Variants in SI observed in about 807,000 individuals in gnomAD.
SI encodes sucrase-isomaltase, also known as sucrase-isomaltase, intestinal.
SI carries 235 observed loss-of-function variants against 253.3 expected under a neutral mutation model. That is an observed-to-expected ratio of 0.93 (90% CI 0.83 to 1.03). The LOEUF is 1.03. SI is among the 50% of genes least tolerant of loss of function. SI has a pLI of 0.00. For missense variants in SI, 2,442 were observed against 2,211.1 expected, an observed-to-expected ratio of 1.10 and a Z score of -2.09; for synonymous variants, 819 against 712.0, an observed-to-expected ratio of 1.15 and a Z score of -2.39.
At position 165,039,881 on chromosome 3, in the gene SI, G is replaced by T. The variant is rs1712726485; in HGVS notation, c.2244+6C>A. On this transcript the variant is annotated splice_donor_region_variant and intron_variant, in intron 19 of 47. Coordinates refer to ENST00000264382, the MANE Select transcript of SI (RefSeq NM_001041.4). ...ACAATAAGGTTATTAAACCTGTAGA[G>T]CCTACCTGTTTTAGAACAGGAGTAA... The T allele has an allele frequency of 6.3e-7, 1 of 1,595,270 alleles. No individual in the cohort carries two copies. The highest frequency in any genetic ancestry group is 8.6e-7 in the Non-Finnish European group (1 of 1,163,166).
At chr3:165,003,339 T>C in intron 37 of SI, among the ~76,000 whole-genome samples, 1 of 152,020 alleles carries the variant, frequency 6.6e-6, no homozygotes, top group East Asian at 1.9e-4. Context: ...TTCTTTTTAA[T>C]GTCTACAGTT....
chr3:165,002,153 G>T (rs1718283754), intron 37 of SI, among the ~76,000 whole-genome samples: 1 of 151,582 alleles, frequency 6.6e-6, no homozygotes, highest in East Asian at 1.9e-4. Context: ...AATAATATAT[G>T]TGTAGTTACA....
At chr3:165,061,702 C>G (rs1713992932) in intron 9 of SI, among the ~76,000 whole-genome samples, 2 of 151,868 alleles carry the variant, frequency 1.3e-5, no homozygotes, top group African/African-American at 4.8e-5. Flanking sequence ...TATATATCAA[C>G]AGTGAAAAGA....
intron 31 of SI, among the ~76,000 whole-genome samples, chr3:165,016,979 A>C (rs1260602661): frequency 6.6e-6 from 1 of 151,876 alleles, no homozygotes; most frequent in Non-Finnish European, 1.5e-5. Context: ...AGCCTTCTAT[A>C]TTTTAATGTT....
chr3:165,071,112 A>C (rs1714549495), intron 3 of SI, among the ~76,000 whole-genome samples: 1 of 152,046 alleles, frequency 6.6e-6, no homozygotes, highest in Non-Finnish European at 1.5e-5. Context: ...CATCTTAACT[A>C]ATTGCTTCTG....
At chr3:165,070,295 T>C (rs1714485838) in intron 3 of SI, among the ~76,000 whole-genome samples, 4 of 143,994 alleles carry the variant, frequency 2.8e-5, no homozygotes, top group Admixed American at 2.1e-4. Flanking sequence ...ACATATATAA[T>C]TATATATGTA....
At chr3:164,980,645 G>C (rs1359891656) in intron 47 of SI, among the ~76,000 whole-genome samples, 1 of 151,808 alleles carries the variant, frequency 6.6e-6, no homozygotes, top group African/African-American at 2.4e-5. Flanking sequence ...CATCACTGAG[G>C]TAATGAAACA....
chr3:165,003,650 A>T (rs537711677), intron 37 of SI, among the ~76,000 whole-genome samples: 1 of 152,192 alleles, frequency 6.6e-6, no homozygotes, highest in African/African-American at 2.4e-5. Context: ...TATCAACTTC[A>T]GCTATTTGTT....
intron 20 of SI, 108 bp from the exon 21 acceptor site, chr3:165,038,132 T>C (rs1712628760): frequency 2.0e-6 from 2 of 990,688 alleles, no homozygotes; most frequent in East Asian, 2.5e-5. Flanking sequence ...GTCATCCAAA[T>C]GAATACGAAT....
intron 13 of SI, among the ~76,000 whole-genome samples, chr3:165,050,441 C>T (rs953531389): frequency 9.2e-5 from 14 of 152,068 alleles, no homozygotes; most frequent in African/African-American, 3.4e-4. Flanking sequence ...CTCTGAGAAC[C>T]AAGACCTAAA....
chr3:165,010,544 G>T (rs1378436746), intron 34 of SI, among the ~76,000 whole-genome samples: 1 of 152,100 alleles, frequency 6.6e-6, no homozygotes, highest in Non-Finnish European at 1.5e-5. Flanking sequence ...AGGATAGAAG[G>T]CTTGGTGGGA....
chr3:165,042,121 A>T (rs1712865395), intron 17 of SI, among the ~76,000 whole-genome samples: 1 of 152,062 alleles, frequency 6.6e-6, no homozygotes, highest in Admixed American at 6.6e-5. Flanking sequence ...AATAAATTTC[A>T]AAATTTATTT....
chr3:165,046,863 A>T lies in SI; in HGVS notation c.1865T>A (p.Phe622Tyr). 6.2e-7 allele frequency: 1 copy of T among 1,613,094 alleles called. No homozygotes were observed. Among genetic ancestry groups the T allele is most frequent in the Non-Finnish European group, 8.5e-7 (1 of 1,179,340 alleles). ...MEWSITGMLEFSLFGIPLVGA... is the reference protein window; with the variant it reads ...MEWSITGMLEYSLFGIPLVGA... ...TACCAAAGGTATTCCAAACAAACTG[A>T]ACTCCAGCATTCCAGTTATAGACCA... The change falls in exon 16 of 48, where the codon TTC becomes TAC. Residue 622 changes from phenylalanine to tyrosine, a missense_variant. By Grantham distance (22) the Phe-to-Tyr change is conservative. Coordinates refer to ENST00000264382, the MANE Select transcript of SI (RefSeq NM_001041.4).
intron 2 of SI, among the ~76,000 whole-genome samples, chr3:165,075,684 C>G (rs1403463433): frequency 6.6e-6 from 1 of 151,826 alleles, no homozygotes; most frequent in Non-Finnish European, 1.5e-5. Flanking sequence ...CAATTCATGT[C>G]AAAGCACATG....
chr3:165,047,104 G>T, intron 15 of SI, 92 bp from the exon 16 acceptor site: 1 of 1,043,974 alleles, frequency 9.6e-7, no homozygotes, highest in Non-Finnish European at 1.4e-6. Context: ...AAAGCCATGT[G>T]ATATAGTTTG....
intron 35 of SI, 35 bp from the exon 36 acceptor site, chr3:165,008,033 G>T: frequency 1.8e-6 from 2 of 1,131,024 alleles, no homozygotes; most frequent in Non-Finnish European, 2.7e-6. Context: ...GTAAACAAAA[G>T]ATAAATTTAC....
intron 16 of SI, among the ~76,000 whole-genome samples, chr3:165,045,463 T>C (rs1576906589): frequency 6.6e-6 from 1 of 152,170 alleles, no homozygotes; most frequent in Non-Finnish European, 1.5e-5. Flanking sequence ...TGCTTGTTTT[T>C]CCTTCTTTTT....
chr3:165,087,243 C>T, the SI span, among the ~76,000 whole-genome samples: 1 of 152,074 alleles, frequency 6.6e-6, no homozygotes, highest in African/African-American at 2.4e-5. Flanking sequence ...GGGACAGAAT[C>T]ACTGAGTAGA....
At chr3:165,048,062 A>G (rs1349004275) in intron 15 of SI, among the ~76,000 whole-genome samples, 1 of 152,046 alleles carries the variant, frequency 6.6e-6, no homozygotes, top group Non-Finnish European at 1.5e-5. Context: ...TTCATGTAAT[A>G]CTCCATTGAG....
Sources: allele counts gnomAD v4.1 joint callset (sites outside exome capture counted in the v4.1 genomes callset), GRCh38; gene constraint gnomAD v4.1.1; transcripts MANE v1.5; gene names NCBI Gene and HGNC (gene_info 2026-07-23, HGNC 2026-07-21).